RALY: variants seen among roughly 807,000 people sequenced by gnomAD.
The protein encoded by RALY is RALY heterogeneous nuclear ribonucleoprotein.
A neutral mutation model predicts 30.7 loss-of-function variants in RALY; 15 were observed. That is an observed-to-expected ratio of 0.49 (90% CI 0.33 to 0.75). The LOEUF (loss-of-function observed/expected upper bound fraction) is 0.75. Ranked by LOEUF, RALY falls within the 30% of genes least tolerant of loss-of-function variation. The pLI is 0.02. For synonymous variants in RALY, 177 were observed against 170.8 expected (o/e 1.04, Z -0.28); for missense variants, 339 against 414.3 (o/e 0.82, Z 1.58).
intron 8 of RALY, chr20:34,077,446 C>A (rs2033924934): frequency 8.0e-7 from 1 of 1,251,628 alleles, no homozygotes; most frequent in Non-Finnish European, 1.1e-6. Flanking sequence ...AGAAGTCCCA[C>A]TGAGGCCTAG....
intron 1 of RALY, among the ~76,000 whole-genome samples, chr20:34,009,995 T>G (rs1446871809): frequency 6.6e-6 from 1 of 152,204 alleles, no homozygotes; most frequent in Non-Finnish European, 1.5e-5. Flanking sequence ...GTGAATTATC[T>G]TCATTTTACT....
chr20:34,079,040 C>A (rs1435721414), intron 9 of RALY, among the ~76,000 whole-genome samples: 2 of 152,172 alleles, frequency 1.3e-5, no homozygotes, highest in African/African-American at 4.8e-5. Context: ...AGGCCAAGAG[C>A]CTCCTGTGGC....
At chr20:34,068,156 C>T (rs1309684463) in intron 2 of RALY, among the ~76,000 whole-genome samples, 2 of 152,192 alleles carry the variant, frequency 1.3e-5, no homozygotes, top group South Asian at 2.1e-4. Context: ...ACCCACCTCT[C>T]CTCAGCTCAT....
chr20:34,000,744 G>A (rs2030875668), intron 1 of RALY, among the ~76,000 whole-genome samples: 1 of 152,200 alleles, frequency 6.6e-6, no homozygotes, highest in South Asian at 2.1e-4. Context: ...GTTTCCTAGG[G>A]AGTGCTCTAC....
chr20:34,015,757 G>GT (rs1262529206), intron 1 of RALY, among the ~76,000 whole-genome samples: 1 of 152,014 alleles, frequency 6.6e-6, no homozygotes. Context: ...TCATGGATCT[G>GT]TTTTCTCATG....
intron 1 of RALY, among the ~76,000 whole-genome samples, chr20:34,006,269 T>C (rs894077542): frequency 6.6e-6 from 1 of 152,236 alleles, no homozygotes; most frequent in Non-Finnish European, 1.5e-5. Context: ...CTACTTTTCT[T>C]CATTTTGTGC....
chr20:34,017,972 A>G (rs1197663078), intron 1 of RALY, among the ~76,000 whole-genome samples: 1 of 152,200 alleles, frequency 6.6e-6, no homozygotes, highest in Non-Finnish European at 1.5e-5. Flanking sequence ...AAAGGCATGA[A>G]TGGGGGTTCT....
rs973677223 is a variant in RALY, at chr20:33,994,151, G to C, written c.-93+20G>C. ...GCGCGGGTGAGTGGGGACTGCGGGC[G>C]TCTCCTTAGGGGTGCGGGGAGGGTG... On this transcript the variant is annotated intron_variant, in intron 1 of 9. Coordinates refer to ENST00000246194, the MANE Select transcript of RALY (RefSeq NM_016732.3). 6.6e-6 allele frequency: 1 copy of C among 152,352 alleles called. No individual in the cohort carries two copies. The highest frequency in any genetic ancestry group is 2.4e-5 in the African/African-American group (1 of 41,458). The allele number at this position is 152,352 out of a possible 1,614,324, so 9.4% of individuals were successfully genotyped here.
At chr20:34,002,909 T>A in intron 1 of RALY, among the ~76,000 whole-genome samples, 1 of 152,362 alleles carries the variant, frequency 6.6e-6, no homozygotes, top group South Asian at 2.1e-4. Context: ...ATAGCTCTAT[T>A]TTGTATGCAG....
chr20:34,039,557 T>C (rs900732447), intron 2 of RALY, among the ~76,000 whole-genome samples: 1 of 152,224 alleles, frequency 6.6e-6, no homozygotes, highest in Non-Finnish European at 1.5e-5. Context: ...CCTTTGGTAC[T>C]GAGGATTTCA....
chr20:34,034,286 C>T (rs963917889), intron 2 of RALY, among the ~76,000 whole-genome samples: 1 of 152,188 alleles, frequency 6.6e-6, no homozygotes, highest in Non-Finnish European at 1.5e-5. Flanking sequence ...CCATTCTCTT[C>T]GCACTGTGTT....
intron 2 of RALY, among the ~76,000 whole-genome samples, chr20:34,064,694 C>G (rs2033519162): frequency 6.6e-6 from 1 of 152,154 alleles, no homozygotes; most frequent in Non-Finnish European, 1.5e-5. Context: ...AAGAACATAC[C>G]ATCTTAGGGC....
intron 2 of RALY, among the ~76,000 whole-genome samples, chr20:34,058,371 C>T (rs761984061): frequency 6.6e-6 from 1 of 152,004 alleles, no homozygotes; most frequent in Non-Finnish European, 1.5e-5. Context: ...TTCATTACAC[C>T]AAGTTTATTA....
intron 1 of RALY, among the ~76,000 whole-genome samples, chr20:34,022,094 CTTTT>C (rs1193826286): frequency 7.4e-6 from 1 of 135,134 alleles, no homozygotes. Context: ...TTCTTTCTTT[CTTTT>C]TTTTTTTTTT....
intron 2 of RALY, among the ~76,000 whole-genome samples, 151 bp from the exon 3 acceptor site, chr20:34,071,915 A>C (rs2033738124): frequency 6.6e-6 from 1 of 152,236 alleles, no homozygotes; most frequent in African/African-American, 2.4e-5. Flanking sequence ...TCTTGGTAAT[A>C]TGACAAGAAA....
rs1436933463 is a variant in RALY, at chr20:34,036,990, G to T, written c.-10+5386G>T. Reference sequence around the variant, plus strand: ...TTATTTTCTAATTTCTGCTGCTTTGGGTCTAGTTTGCTCTTTTCTAGTTTC... The same window carrying T: ...TTATTTTCTAATTTCTGCTGCTTTGTGTCTAGTTTGCTCTTTTCTAGTTTC... On this transcript the variant is annotated intron_variant, in intron 2 of 9. Coordinates refer to ENST00000246194, the MANE Select transcript of RALY (RefSeq NM_016732.3). Among the ~76,000 whole-genome samples, 97 of 151,378 alleles carry T rather than the reference G, an allele frequency of 6.4e-4. 1 individual carries two copies. Among genetic ancestry groups the T allele is most frequent in the Admixed American group, 6.4e-3 (97 of 15,192 alleles).
chr20:34,053,454 A>G (rs1040439798), intron 2 of RALY, among the ~76,000 whole-genome samples: 16 of 127,324 alleles, frequency 1.3e-4, no homozygotes, highest in Admixed American at 3.1e-4. Context: ...CTATAGTGCA[A>G]TGGCACAGTC....
In RALY at chr20:34,009,483, G is replaced by T. The variant is rs148812410; in HGVS notation, c.-93+15352G>T. Among the ~76,000 whole-genome samples, 71 of 152,074 alleles carry T rather than the reference G, an allele frequency of 4.7e-4. No individual in the cohort carries two copies. In the East Asian group the frequency reaches 0.012, roughly 26 times the overall value. On this transcript the variant is annotated intron_variant, in intron 1 of 9. Transcript: ENST00000246194. ...GAACTCCTGACCTTGTGATCTGCCC[G>T]CTTCAGCCTCCCAAAGTGCCAGGAT... is the stretch of plus-strand genomic sequence containing the variant.
chr20:34,051,754 C>T (rs2033086514), intron 2 of RALY, among the ~76,000 whole-genome samples: 1 of 152,136 alleles, frequency 6.6e-6, no homozygotes, highest in Admixed American at 6.5e-5. Flanking sequence ...TGCCACCACA[C>T]CTGGCTAATT....
Sources: allele counts gnomAD v4.1 joint callset (sites outside exome capture counted in the v4.1 genomes callset), GRCh38; gene constraint gnomAD v4.1.1; transcripts MANE v1.5; gene names NCBI Gene and HGNC (gene_info 2026-07-23, HGNC 2026-07-21).